ERC2: variants seen among roughly 807,000 people sequenced by gnomAD.
ERC2 encodes the protein ELKS/RAB6-interacting/CAST family member 2.
ERC2 carries 42 observed loss-of-function variants against 114.8 expected under a neutral mutation model. The observed-to-expected ratio is 0.37, with a 90% CI of 0.29 to 0.47. The LOEUF (loss-of-function observed/expected upper bound fraction) is 0.47, where lower values mean the gene tolerates loss of function less well. ERC2 is among the 20% of genes least tolerant of loss of function. ERC2 has a pLI of 0.99. For missense variants in ERC2, 939 were observed against 1,150.7 expected (o/e 0.82, Z 2.66); for synonymous variants, 454 against 425.5 (o/e 1.07, Z -0.82).
At chr3:55,832,888 A>G (rs2060672007) in intron 14 of ERC2, among the ~76,000 whole-genome samples, 1 of 152,164 alleles carries the variant, frequency 6.6e-6, no homozygotes, top group South Asian at 2.1e-4. Flanking sequence ...TATAACTAGA[A>G]TAACCAATAC....
chr3:56,246,106 A>C (rs948313652), intron 3 of ERC2, among the ~76,000 whole-genome samples: 1 of 151,934 alleles, frequency 6.6e-6, no homozygotes, highest in Non-Finnish European at 1.5e-5. Context: ...AAAAAAAAAA[A>C]AAAAAAAAAC....
At chr3:55,971,910 T>C (rs2149486584) in intron 12 of ERC2, among the ~76,000 whole-genome samples, 2 of 152,240 alleles carry the variant, frequency 1.3e-5, no homozygotes, top group South Asian at 4.2e-4. Context: ...TCACACACAA[T>C]AGATCACTGT....
At chr3:55,976,734 G>C (rs942220754) in intron 12 of ERC2, among the ~76,000 whole-genome samples, 1 of 152,086 alleles carries the variant, frequency 6.6e-6, no homozygotes, top group African/African-American at 2.4e-5. Flanking sequence ...AGTTCACTTG[G>C]CCTAGGAAAA....
At chr3:56,326,074 G>A (rs1452900944) in intron 2 of ERC2, among the ~76,000 whole-genome samples, 1 of 152,210 alleles carries the variant, frequency 6.6e-6, no homozygotes, top group Non-Finnish European at 1.5e-5. Flanking sequence ...AAATGATCAA[G>A]GGATGGGACT....
chr3:55,966,270 G>A (rs951562631), intron 12 of ERC2, among the ~76,000 whole-genome samples: 4 of 152,130 alleles, frequency 2.6e-5, no homozygotes, highest in Non-Finnish European at 5.9e-5. Flanking sequence ...AGTCATGACA[G>A]GAACTTTACC....
At chr3:56,026,082 T>C (rs1161111856) in intron 7 of ERC2, among the ~76,000 whole-genome samples, 24 of 123,676 alleles carry the variant, frequency 1.9e-4, no homozygotes, top group East Asian at 4.7e-4. Flanking sequence ...TTTTTTTTTT[T>C]CGAGATGGAG....
At chr3:55,862,248 C>A (rs2062063376) in intron 14 of ERC2, among the ~76,000 whole-genome samples, 1 of 152,042 alleles carries the variant, frequency 6.6e-6, no homozygotes, top group Non-Finnish European at 1.5e-5. Flanking sequence ...CTATGGGCTC[C>A]AAATTCTAGT....
Position 55,912,974 on chromosome 3 carries a change from C to A in ERC2, c.2404-24425G>T, listed in dbSNP as rs371018932. Among the ~76,000 whole-genome samples, 12 of 152,150 alleles carry A rather than the reference C, an allele frequency of 7.9e-5. No individual in the cohort carries two copies. The South Asian group carries it at 8.3e-4, about 11-fold the overall frequency. Reference sequence around the variant, plus strand: ...TCATGCTACACATACTGTTTTATGGCTTTCTTTTTTTATTGCATTTATTTA... The same window carrying A: ...TCATGCTACACATACTGTTTTATGGATTTCTTTTTTTATTGCATTTATTTA... On this transcript the variant is annotated intron_variant, in intron 13 of 17. Coordinates refer to ENST00000288221, the MANE Select transcript of ERC2 (RefSeq NM_015576.3).
chr3:56,457,924 T>A (rs1426631685), intron 1 of ERC2, among the ~76,000 whole-genome samples: 1 of 152,188 alleles, frequency 6.6e-6, no homozygotes. Context: ...ATAGCCTGGA[T>A]GTTCCCCCAA....
In ERC2 at chr3:56,375,193, T is replaced by G. The variant is rs1465283165; in HGVS notation, c.657+59158A>C. On this transcript the variant is annotated intron_variant, in intron 2 of 17. Coordinates refer to ENST00000288221, the MANE Select transcript of ERC2 (RefSeq NM_015576.3). ...AGTCTCCAAACTTCTCTTCCTAGAATCAGGAGGCCAGAATCCTGGAGCCAG... is the reference window on the plus strand; with the variant it reads ...AGTCTCCAAACTTCTCTTCCTAGAAGCAGGAGGCCAGAATCCTGGAGCCAG... Among the ~76,000 whole-genome samples, 3 of 152,184 alleles carry G rather than the reference T, an allele frequency of 2.0e-5. No individual in the cohort carries two copies. In the East Asian group the frequency reaches 5.8e-4, roughly 29 times the overall value.
chr3:56,186,114 T>TAAAAAAAAAAACAAAAAAAA (rs2083589199), intron 3 of ERC2, among the ~76,000 whole-genome samples: 1 of 102,540 alleles, frequency 9.8e-6, no homozygotes, highest in Admixed American at 1.1e-4. Flanking sequence ...TCAAGAACCT[T>TAAAAAAAAAAACAAAAAAAA]AAAAAAAAAA....
At chr3:55,808,701 T>A (rs1017291144) in intron 14 of ERC2, among the ~76,000 whole-genome samples, 7 of 61,736 alleles carry the variant, frequency 1.1e-4, no homozygotes, top group Admixed American at 4.4e-4. Flanking sequence ...TACCATAATT[T>A]TATATATATA....
At chr3:55,521,586 G>A (rs1181258336) in intron 17 of ERC2, among the ~76,000 whole-genome samples, 1 of 152,218 alleles carries the variant, frequency 6.6e-6, no homozygotes, top group African/African-American at 2.4e-5. Flanking sequence ...ACGCCTAATA[G>A]AAGTGACTGG....
At chr3:55,883,484 T>TGTG (rs909692614) in intron 14 of ERC2, among the ~76,000 whole-genome samples, 2 of 152,042 alleles carry the variant, frequency 1.3e-5, no homozygotes, top group African/African-American at 4.8e-5. Flanking sequence ...GCATCTTGAC[T>TGTG]GTGGTGGTGG....
At chr3:55,888,102 A>G (rs967332234) in intron 14 of ERC2, among the ~76,000 whole-genome samples, 5 of 152,226 alleles carry the variant, frequency 3.3e-5, no homozygotes, top group African/African-American at 7.2e-5. Context: ...GCTGGCTCAG[A>G]CCTTTCCAAC....
intron 12 of ERC2, among the ~76,000 whole-genome samples, chr3:55,954,479 G>T (rs1293157152): frequency 6.6e-6 from 1 of 152,220 alleles, no homozygotes; most frequent in Non-Finnish European, 1.5e-5. Context: ...GTGAGAACGT[G>T]TCAGACTCTG....
chr3:56,155,792 G>A (rs2081682161), intron 4 of ERC2, among the ~76,000 whole-genome samples: 1 of 152,064 alleles, frequency 6.6e-6, no homozygotes, highest in Non-Finnish European at 1.5e-5. Flanking sequence ...CACTCAGCAT[G>A]TGCCCAGGAT....
chr3:55,942,328 G>A (rs1336175101), intron 13 of ERC2, among the ~76,000 whole-genome samples: 10 of 109,712 alleles, frequency 9.1e-5, no homozygotes, highest in African/African-American at 3.4e-4. Context: ...TCGCTCTGTC[G>A]CCCAGGCTGG....
chr3:56,032,243 C>T (rs951503924), intron 7 of ERC2, among the ~76,000 whole-genome samples: 1 of 152,170 alleles, frequency 6.6e-6, no homozygotes, highest in Non-Finnish European at 1.5e-5. Flanking sequence ...AATTCCTGAG[C>T]CTCAGGTATT....
Sources: allele counts gnomAD v4.1 joint callset (sites outside exome capture counted in the v4.1 genomes callset), GRCh38; gene constraint gnomAD v4.1.1; transcripts MANE v1.5; gene names NCBI Gene and HGNC (gene_info 2026-07-23, HGNC 2026-07-21).